Variants in RNF24 observed in about 807,000 individuals in gnomAD.
RNF24 encodes ring finger protein 24.
Under a neutral mutation model 20.0 loss-of-function variants are expected in RNF24, and 14 were observed. That is an observed-to-expected ratio of 0.70 (90% CI 0.46 to 1.10). RNF24 has a LOEUF of 1.10. Among genes scored for constraint, RNF24 ranks in the 50% least tolerant of loss-of-function variants. The probability of loss-of-function intolerance (pLI) is 0.00; values close to 1 mark genes in which losing one functional copy is unlikely to be tolerated. For synonymous variants in RNF24, 45 were observed against 61.1 expected, an observed-to-expected ratio of 0.74 and a Z score of 1.23; for missense variants, 124 against 177.6, an observed-to-expected ratio of 0.70 and a Z score of 1.71.
rs2090766259 is a variant in RNF24, at chr20:3,928,701, T to G, written c.*5362A>C. On this transcript the variant is annotated 3_prime_UTR_variant, in exon 6 of 6. Transcript: ENST00000358395. ...AGGCGGAGCTTGCAGTGGGCCAAGATCGTGCCACTGCATTCCAGCCTGGGT... is the reference window on the plus strand; with the variant it reads ...AGGCGGAGCTTGCAGTGGGCCAAGAGCGTGCCACTGCATTCCAGCCTGGGT... 1 of 121,086 alleles carries G rather than the reference T, an allele frequency of 8.3e-6. No individual in the cohort carries two copies. The highest frequency in any genetic ancestry group is 2.7e-4 in the South Asian group (1 of 3,664). 7.5% of individuals were successfully genotyped at this position (121,086 alleles called of 1,614,324 possible). A position where few individuals can be genotyped will look rare whatever the true frequency, so the allele number is the denominator to read the frequency against.
At chr20:4,015,058 A>G (rs1010154037) in intron 1 of RNF24, 15 of 152,340 alleles carry the variant, frequency 9.8e-5, no homozygotes, top group South Asian at 2.1e-4. Flanking sequence ...TCCTCCTCCT[A>G]GCCTCCCAGC....
At chr20:3,965,763 G>A (rs1165055863) in intron 1 of RNF24, among the ~76,000 whole-genome samples, 1 of 152,168 alleles carries the variant, frequency 6.6e-6, no homozygotes, top group East Asian at 1.9e-4. Flanking sequence ...CCAAGACTTA[G>A]ATGGCTGTCC....
intron 1 of RNF24, among the ~76,000 whole-genome samples, chr20:4,007,802 G>A (rs1982007190): frequency 6.6e-6 from 1 of 151,280 alleles, no homozygotes; most frequent in Non-Finnish European, 1.5e-5. Context: ...TGTGGTCGCA[G>A]CTACTTGGGA....
intron 1 of RNF24, among the ~76,000 whole-genome samples, chr20:3,977,817 T>C (rs532361193): frequency 1.5e-4 from 22 of 148,682 alleles, no homozygotes; most frequent in Middle Eastern, 7.0e-3. Flanking sequence ...CGAGCAGAGA[T>C]TGCGCCACTG....
In RNF24 at chr20:3,931,680, C is replaced by T. The variant is rs1023906499; in HGVS notation, c.*2383G>A. ...GTACTCTCACTGTTCCAGCTTCCAG[C>T]CCAATCCTAGCAGAATGAATGCATT... On this transcript the variant is annotated 3_prime_UTR_variant, in exon 6 of 6. Coordinates refer to ENST00000358395, the MANE Select transcript of RNF24 (RefSeq NM_001134337.3). 1 of 152,212 alleles carries T rather than the reference C, an allele frequency of 6.6e-6. No homozygotes were observed. The highest frequency in any genetic ancestry group is 1.5e-5 in the Non-Finnish European group (1 of 68,056). The allele number at this position is 152,212 out of a possible 1,614,324, so 9.4% of individuals were successfully genotyped here. A position where few individuals can be genotyped will look rare whatever the true frequency, so the allele number is the denominator to read the frequency against.
chr20:3,991,189 T>A (rs1980403281), intron 1 of RNF24, among the ~76,000 whole-genome samples: 3 of 151,858 alleles, frequency 2.0e-5, no homozygotes, highest in Non-Finnish European at 2.9e-5. Flanking sequence ...GAATAAAAAA[T>A]TTAATTGTAA....
At chr20:4,010,572 T>G (rs1326466664) in intron 1 of RNF24, among the ~76,000 whole-genome samples, 1 of 152,216 alleles carries the variant, frequency 6.6e-6, no homozygotes, top group Non-Finnish European at 1.5e-5. Context: ...TTTCTTTTTT[T>G]GTCATTTCCT....
rs2090770455 is a variant in RNF24, at chr20:3,928,781, T to TAAAAA, written c.*5281_*5282insTTTTT. The TAAAAA allele has an allele frequency of 8.8e-6, 1 of 114,210 alleles. No individual in the cohort carries two copies. Among genetic ancestry groups the TAAAAA allele is most frequent in the Non-Finnish European group, 2.0e-5 (1 of 50,612 alleles). The allele number at this position is 114,210 out of a possible 1,614,324, so 7.1% of individuals were successfully genotyped here. ...AAAAAAAAAAAAAAAAAAAAAAAAT[T>TAAAAA]GTTGGGGTAATTTCTGTTGTCAAAT... On this transcript the variant is annotated 3_prime_UTR_variant, in exon 6 of 6. Coordinates refer to ENST00000358395, the MANE Select transcript of RNF24 (RefSeq NM_001134337.3).
At chr20:4,011,442 AGAT>A (rs1982452300) in intron 1 of RNF24, among the ~76,000 whole-genome samples, 1 of 152,038 alleles carries the variant, frequency 6.6e-6, no homozygotes, top group Admixed American at 6.6e-5. Flanking sequence ...GGAATTCCCA[AGAT>A]GATGACAAAG....
intron 1 of RNF24, among the ~76,000 whole-genome samples, chr20:3,995,978 T>A (rs1980832526): frequency 6.6e-6 from 1 of 152,198 alleles, no homozygotes; most frequent in African/African-American, 2.4e-5. Context: ...ACTACTAATC[T>A]TCATCACACA....
chr20:3,949,316 G>A (rs893893178), intron 2 of RNF24, among the ~76,000 whole-genome samples: 8 of 152,046 alleles, frequency 5.3e-5, no homozygotes, highest in African/African-American at 1.9e-4. Context: ...GGAGGCGGAG[G>A]TTGCAGTGAG....
In RNF24 at chr20:4,013,089, A is replaced by C. The variant is rs371168506; in HGVS notation, c.-8+2348T>G. 3.9e-5 allele frequency among the ~76,000 whole-genome samples: 6 copies of C among 152,290 alleles called. No individual in the cohort carries two copies. The East Asian group carries it at 7.7e-4, about 20-fold the overall frequency. ...ATCTGAATTAAATTAATTGATATTAAGATTTTATTTAAATCATGCATTAAA... is the reference window on the plus strand; with the variant it reads ...ATCTGAATTAAATTAATTGATATTACGATTTTATTTAAATCATGCATTAAA... On this transcript the variant is annotated intron_variant, in intron 1 of 5. Coordinates refer to ENST00000358395, the MANE Select transcript of RNF24 (RefSeq NM_001134337.3).
At chr20:4,005,003 T>C (rs1260573821) in intron 1 of RNF24, among the ~76,000 whole-genome samples, 1 of 152,202 alleles carries the variant, frequency 6.6e-6, no homozygotes, top group Non-Finnish European at 1.5e-5. Flanking sequence ...ACTTCCATTA[T>C]CAATAGCCCT....
At chr20:3,995,764 C>A (rs1320650139) in intron 1 of RNF24, among the ~76,000 whole-genome samples, 1 of 151,812 alleles carries the variant, frequency 6.6e-6, no homozygotes, top group African/African-American at 2.4e-5. Flanking sequence ...GCCAATGGAA[C>A]AACTGAGACG....
intron 1 of RNF24, among the ~76,000 whole-genome samples, chr20:3,970,667 G>C (rs1192888444): frequency 6.6e-6 from 1 of 152,056 alleles, no homozygotes; most frequent in Non-Finnish European, 1.5e-5. Flanking sequence ...GGAAATTATA[G>C]AACTGAAAAA....
At chr20:3,935,883 G>A (rs1051228397) in intron 4 of RNF24, among the ~76,000 whole-genome samples, 14 of 152,292 alleles carry the variant, frequency 9.2e-5, no homozygotes, top group Admixed American at 9.2e-4. Flanking sequence ...CTGGGACCCA[G>A]GTCTGTTGCA....
Position 3,933,063 on chromosome 20 carries a change from CTTTTTTTT to C in RNF24, c.*992_*999del, listed in dbSNP as rs11470036. 2.2e-4 allele frequency: 68 copies of C among 306,878 alleles called. No individual in the cohort carries two copies. The highest frequency in any genetic ancestry group is 9.2e-4 in the South Asian group (4 of 4,330). The allele number at this position is 306,878 out of a possible 1,614,324, so 19.0% of individuals were successfully genotyped here. A position where few individuals can be genotyped will look rare whatever the true frequency, so the allele number is the denominator to read the frequency against. On this transcript the variant is annotated 3_prime_UTR_variant, in exon 6 of 6. Coordinates refer to ENST00000358395, the MANE Select transcript of RNF24 (RefSeq NM_001134337.3). ...AAAGTGTTAAAAAGTGAATGACAGG[CTTTTTTTT>C]TTTTTTTTTTTTTTTTCTGAAGTAG...
Position 3,946,947 on chromosome 20 carries a change from C to T in RNF24, c.186+1290G>A, listed in dbSNP as rs187000973. On this transcript the variant is annotated intron_variant, in intron 3 of 5. Transcript: ENST00000358395. Reference sequence around the variant, plus strand: ...GTGGCTCACACCTGTAATCCTGGCACTTTGGGAGGCCGAGGTGGGTGGATC... The same window carrying T: ...GTGGCTCACACCTGTAATCCTGGCATTTTGGGAGGCCGAGGTGGGTGGATC... Among the ~76,000 whole-genome samples the T allele has an allele frequency of 3.9e-5, 6 of 152,194 alleles. 1 individual carries two copies. In the East Asian group the frequency reaches 9.7e-4, roughly 25 times the overall value.
chr20:3,978,269 A>C (rs1379940169), intron 1 of RNF24, among the ~76,000 whole-genome samples: 1 of 151,982 alleles, frequency 6.6e-6, no homozygotes, highest in Non-Finnish European at 1.5e-5. Context: ...AAGTCCTGAC[A>C]TTGTGATCCG....
Sources: allele counts gnomAD v4.1 joint callset (sites outside exome capture counted in the v4.1 genomes callset), GRCh38; gene constraint gnomAD v4.1.1; transcripts MANE v1.5; gene names NCBI Gene and HGNC (gene_info 2026-07-23, HGNC 2026-07-21).